The following SCRG1 variants were observed in gnomAD, a reference collection of about 807,000 sequenced individuals.
The protein encoded by SCRG1 is scrapie-responsive protein 1.
A neutral mutation model predicts 7.7 loss-of-function variants in SCRG1; 3 were observed. The observed-to-expected ratio is 0.39, with a 90% CI of 0.18 to 1.01. The LOEUF is 1.01. Among genes scored for constraint, SCRG1 ranks in the 50% least tolerant of loss-of-function variants. The pLI is 0.36. For missense variants in SCRG1, 110 were observed against 117.2 expected, an observed-to-expected ratio of 0.94 and a Z score of 0.28; for synonymous variants, 46 against 41.2, an observed-to-expected ratio of 1.12 and a Z score of -0.44.
the SCRG1 span, among the ~76,000 whole-genome samples, chr4:173,478,118 C>T: frequency 1.3e-3 from 200 of 152,188 alleles, no homozygotes; most frequent in Middle Eastern, 3.4e-3. Context: ...ATTTTAGTAT[C>T]TGAAAATTAA....
chr4:173,482,140 T>G, the SCRG1 span, among the ~76,000 whole-genome samples: 5 of 152,320 alleles, frequency 3.3e-5, no homozygotes, highest in Admixed American at 2.0e-4. Flanking sequence ...AATTAGCAGT[T>G]GGGCATAATG....
the SCRG1 span, among the ~76,000 whole-genome samples, chr4:173,516,845 C>T: frequency 6.6e-6 from 1 of 152,218 alleles, no homozygotes; most frequent in African/African-American, 2.4e-5. Flanking sequence ...CAGTTCTTCC[C>T]CGCATAGTTC....
the SCRG1 span, among the ~76,000 whole-genome samples, chr4:173,483,817 T>TTTC: frequency 8.0e-5 from 8 of 99,710 alleles, 3 homozygotes; most frequent in Non-Finnish European, 1.4e-4. Flanking sequence ...ATATGTAATA[T>TTTC]ATATAATATA....
At chr4:173,393,404 G>T (rs1370749421) in intron 1 of SCRG1, among the ~76,000 whole-genome samples, 2 of 152,038 alleles carry the variant, frequency 1.3e-5, no homozygotes, top group Non-Finnish European at 2.9e-5. Context: ...ACTAAAATGA[G>T]ATCTACCTCA....
At chr4:173,494,156 C>T in the SCRG1 span, among the ~76,000 whole-genome samples, 40 of 152,266 alleles carry the variant, frequency 2.6e-4, no homozygotes, top group Admixed American at 8.5e-4. Flanking sequence ...GGAGACATGA[C>T]CCTGCACCCA....
the SCRG1 span, among the ~76,000 whole-genome samples, chr4:173,456,776 A>T: frequency 1.3e-5 from 2 of 152,148 alleles, no homozygotes; most frequent in African/African-American, 4.8e-5. Flanking sequence ...AAGTAGAAAG[A>T]GTAGGAAAAG....
chr4:173,430,256 A>G, the SCRG1 span, among the ~76,000 whole-genome samples: 1 of 152,202 alleles, frequency 6.6e-6, no homozygotes, highest in Non-Finnish European at 1.5e-5. Flanking sequence ...AGGATATTAG[A>G]AAACCTGAAC....
chr4:173,431,578 C>A, the SCRG1 span, among the ~76,000 whole-genome samples: 5 of 152,292 alleles, frequency 3.3e-5, no homozygotes, highest in African/African-American at 1.2e-4. Context: ...TAAAGTGAAG[C>A]CAGATCCAAT....
the SCRG1 span, among the ~76,000 whole-genome samples, chr4:173,429,384 T>C: frequency 6.6e-6 from 1 of 152,240 alleles, no homozygotes; most frequent in South Asian, 2.1e-4. Flanking sequence ...TTTCAAACTC[T>C]TGGGCTCAAG....
chr4:173,518,110 C>T, the SCRG1 span, among the ~76,000 whole-genome samples: 2 of 152,252 alleles, frequency 1.3e-5, no homozygotes, highest in African/African-American at 2.4e-5. Context: ...AATATTCGCT[C>T]TCTCTAGGCT....
chr4:173,454,436 C>A, the SCRG1 span, among the ~76,000 whole-genome samples: 3 of 152,092 alleles, frequency 2.0e-5, no homozygotes, highest in Non-Finnish European at 4.4e-5. Context: ...GGGGTCTGAG[C>A]ATGAAGTGTG....
chr4:173,518,234 G>A, the SCRG1 span, among the ~76,000 whole-genome samples: 1 of 152,116 alleles, frequency 6.6e-6, no homozygotes, highest in Admixed American at 6.5e-5. Context: ...GAAACTGGGT[G>A]CGGCACACCT....
the SCRG1 span, chr4:173,468,371 T>G: frequency 1.3e-5 from 2 of 152,180 alleles, no homozygotes; most frequent in African/African-American, 4.8e-5. Flanking sequence ...TATACCACCC[T>G]AGGTTTGTGT....
the SCRG1 span, among the ~76,000 whole-genome samples, chr4:173,449,435 CTTTTTTT>C: frequency 3.5e-5 from 4 of 115,932 alleles, no homozygotes; most frequent in Admixed American, 1.9e-4. Context: ...CATGATAAAT[CTTTTTTT>C]TTTTTTTTTT....
the SCRG1 span, among the ~76,000 whole-genome samples, chr4:173,413,949 T>A: frequency 6.6e-6 from 1 of 152,334 alleles, no homozygotes. Context: ...ACAACCTGAT[T>A]ATGAATTTGG....
chr4:173,415,729 A>G, the SCRG1 span, among the ~76,000 whole-genome samples: 1 of 152,306 alleles, frequency 6.6e-6, no homozygotes, highest in East Asian at 1.9e-4. Flanking sequence ...AAGTTACTTA[A>G]TTAAGAACCT....
the SCRG1 span, among the ~76,000 whole-genome samples, chr4:173,517,197 G>T: frequency 1.3e-5 from 2 of 152,146 alleles, no homozygotes; most frequent in African/African-American, 4.8e-5. Context: ...CTCCAGGCGA[G>T]GACTTAAAAA....
At chr4:173,410,433 A>T (rs1740013797), upstream of SCRG1, among the ~76,000 whole-genome samples, 1 of 152,254 alleles carries the variant, frequency 6.6e-6, no homozygotes, top group Admixed American at 6.5e-5. Flanking sequence ...TGATGGAATC[A>T]GTTTTCAACA....
chr4:173,426,203 C>G, the SCRG1 span, among the ~76,000 whole-genome samples: 1 of 152,210 alleles, frequency 6.6e-6, no homozygotes, highest in African/African-American at 2.4e-5. Context: ...CCTTGCAGCC[C>G]TGTTTGGTAC....
Sources: gnomAD v4.1 joint callset for allele counts (sites outside exome capture counted in the v4.1 genomes callset) on GRCh38, gnomAD v4.1.1 for gene constraint, MANE v1.5 for transcripts, NCBI Gene and HGNC (gene_info 2026-07-23, HGNC 2026-07-21) for gene names.